The following LSAMP variants were observed in gnomAD, a reference collection of about 807,000 sequenced individuals.
The protein encoded by LSAMP is limbic system-associated membrane protein.
A neutral mutation model predicts 38.6 loss-of-function variants in LSAMP; 7 were observed. The observed-to-expected ratio is 0.18, with a 90% CI of 0.10 to 0.34. LSAMP has a LOEUF of 0.34. Ranked by LOEUF, LSAMP falls within the 10% of genes least tolerant of loss-of-function variation. The pLI is 1.00. For synonymous variants in LSAMP, 154 were observed against 166.8 expected (o/e 0.92, Z 0.59); for missense variants, 313 against 420.0 (o/e 0.75, Z 2.23).
In LSAMP at chr3:115,928,747, A is replaced by T. The variant is rs181050590; in HGVS notation, c.515-76130T>A. ...AGAGCATAAATCAAGAATGTTGAGGAAACTTAACCCCAAGGTGTGGGAATT... is the reference window on the plus strand; with the variant it reads ...AGAGCATAAATCAAGAATGTTGAGGTAACTTAACCCCAAGGTGTGGGAATT... On this transcript the variant is annotated intron_variant, in intron 3 of 6. Coordinates refer to ENST00000490035, the MANE Select transcript of LSAMP (RefSeq NM_002338.5). Among the ~76,000 whole-genome samples the T allele has an allele frequency of 5.3e-5, 8 of 152,308 alleles. No individual in the cohort carries two copies. In the East Asian group the frequency reaches 1.5e-3, roughly 29 times the overall value.
intron 1 of LSAMP, among the ~76,000 whole-genome samples, chr3:116,428,535 C>T (rs911291558): frequency 3.9e-5 from 6 of 152,026 alleles, no homozygotes; most frequent in African/African-American, 1.4e-4. Flanking sequence ...ATGCATTTTT[C>T]ATTATACAAG....
At chr3:116,090,937 T>G (rs1708108310) in intron 1 of LSAMP, among the ~76,000 whole-genome samples, 2 of 152,226 alleles carry the variant, frequency 1.3e-5, no homozygotes, top group Non-Finnish European at 2.9e-5. Context: ...CCATTGTCAT[T>G]GATAACATCT....
chr3:116,086,111 A>G (rs1023100205), intron 2 of LSAMP, among the ~76,000 whole-genome samples: 4 of 152,164 alleles, frequency 2.6e-5, no homozygotes, highest in African/African-American at 9.7e-5. Context: ...ATTCTCACCA[A>G]TGTTACTGGC....
At chr3:116,439,711 T>G (rs1489524878) in intron 1 of LSAMP, among the ~76,000 whole-genome samples, 1 of 152,170 alleles carries the variant, frequency 6.6e-6, no homozygotes, top group East Asian at 1.9e-4. Flanking sequence ...AAATAGATAG[T>G]TTCAGCATTT....
chr3:116,167,324 T>C (rs1392039154), intron 1 of LSAMP, among the ~76,000 whole-genome samples: 5 of 152,150 alleles, frequency 3.3e-5, no homozygotes, highest in African/African-American at 1.2e-4. Context: ...CAGCTCACAA[T>C]TTATGTAGTT....
At chr3:116,249,006 G>A (rs775695290) in intron 1 of LSAMP, among the ~76,000 whole-genome samples, 6 of 151,984 alleles carry the variant, frequency 3.9e-5, no homozygotes, top group East Asian at 2.0e-4. Context: ...AAAATTAGCC[G>A]GGCATGGTGG....
chr3:116,190,294 T>C (rs1488116560), intron 1 of LSAMP, among the ~76,000 whole-genome samples: 11 of 152,162 alleles, frequency 7.2e-5, no homozygotes, highest in Non-Finnish European at 1.5e-4. Flanking sequence ...TAGATTTACC[T>C]TCCTTTCCCC....
At chr3:116,113,822 C>T (rs562010020) in intron 1 of LSAMP, among the ~76,000 whole-genome samples, 28 of 152,076 alleles carry the variant, frequency 1.8e-4, no homozygotes, top group African/African-American at 6.5e-4. Flanking sequence ...TTACTACTCA[C>T]AAAAACAAAA....
chr3:116,162,031 G>C (rs183542275), intron 1 of LSAMP, among the ~76,000 whole-genome samples: 1 of 151,898 alleles, frequency 6.6e-6, no homozygotes, highest in Non-Finnish European at 1.5e-5. Context: ...AAATGAAAGG[G>C]AAGTAGGGCA....
chr3:115,968,770 C>G (rs1003756310), intron 3 of LSAMP, among the ~76,000 whole-genome samples: 1 of 152,128 alleles, frequency 6.6e-6, no homozygotes, highest in Admixed American at 6.6e-5. Flanking sequence ...CAGGACTTGC[C>G]AGGGAATTGC....
intron 1 of LSAMP, among the ~76,000 whole-genome samples, chr3:116,273,937 A>C (rs1559808589): frequency 6.7e-6 from 1 of 149,866 alleles, no homozygotes; most frequent in Non-Finnish European, 1.5e-5. Flanking sequence ...TTAGAAGAAT[A>C]ACCCCAGAGG....
At chr3:115,918,332 C>G (rs569081878) in intron 3 of LSAMP, among the ~76,000 whole-genome samples, 2 of 152,216 alleles carry the variant, frequency 1.3e-5, no homozygotes, top group South Asian at 4.2e-4. Context: ...AGATTTCTCC[C>G]AAAGCTGAGA....
At chr3:116,236,641 A>G (rs1301307604) in intron 1 of LSAMP, among the ~76,000 whole-genome samples, 3 of 152,126 alleles carry the variant, frequency 2.0e-5, no homozygotes, top group Non-Finnish European at 2.9e-5. Flanking sequence ...ACAGCAAATG[A>G]GATTTACAAT....
chr3:115,894,155 C>T (rs1936671942), intron 3 of LSAMP, among the ~76,000 whole-genome samples: 1 of 152,026 alleles, frequency 6.6e-6, no homozygotes, highest in African/African-American at 2.4e-5. Context: ...GACCATCTGT[C>T]TTCTAGCCTG....
intron 1 of LSAMP, among the ~76,000 whole-genome samples, chr3:116,287,564 A>C (rs1330551756): frequency 1.3e-5 from 2 of 152,210 alleles, no homozygotes; most frequent in African/African-American, 4.8e-5. Flanking sequence ...CTAAGACAAA[A>C]AGGTAAAGAG....
chr3:116,225,412 C>T (rs1434383726), intron 1 of LSAMP, among the ~76,000 whole-genome samples: 1 of 152,166 alleles, frequency 6.6e-6, no homozygotes, highest in Non-Finnish European at 1.5e-5. Flanking sequence ...TCAGAGGGAG[C>T]ACATCATTGC....
intron 1 of LSAMP, among the ~76,000 whole-genome samples, chr3:116,402,903 G>C (rs1203901806): frequency 6.6e-6 from 1 of 151,968 alleles, no homozygotes; most frequent in Non-Finnish European, 1.5e-5. Flanking sequence ...ACACTGTCTA[G>C]TGAAAACCAC....
chr3:116,248,092 G>C (rs2046626489), intron 1 of LSAMP, among the ~76,000 whole-genome samples: 1 of 152,182 alleles, frequency 6.6e-6, no homozygotes, highest in Admixed American at 6.5e-5. Flanking sequence ...GCCAGGTAAT[G>C]TGTTACGTAC....
intron 1 of LSAMP, among the ~76,000 whole-genome samples, chr3:116,202,765 T>G (rs2046005154): frequency 1.3e-5 from 2 of 152,114 alleles, no homozygotes; most frequent in African/African-American, 2.4e-5. Context: ...CAACACTAGT[T>G]CCAGTAACTC....
Sources: gnomAD v4.1 joint callset for allele counts (sites outside exome capture counted in the v4.1 genomes callset) on GRCh38, gnomAD v4.1.1 for gene constraint, MANE v1.5 for transcripts, NCBI Gene and HGNC (gene_info 2026-07-23, HGNC 2026-07-21) for gene names.